Variants in ZFAND4 observed in about 807,000 individuals in gnomAD.
ZFAND4 encodes the protein zinc finger AN1-type containing 4, also known as AN1-type zinc finger protein 4.
A neutral mutation model predicts 64.4 loss-of-function variants in ZFAND4; 43 were observed. The ratio of observed to expected loss-of-function variants is 0.67; its 90% CI spans 0.52 to 0.86. The LOEUF (loss-of-function observed/expected upper bound fraction) is 0.86. ZFAND4 is among the 40% of genes least tolerant of loss of function. The pLI, the probability that ZFAND4 is intolerant of heterozygous loss-of-function variation, is 0.00. For synonymous variants in ZFAND4, 296 were observed against 305.7 expected, an observed-to-expected ratio of 0.97 and a Z score of 0.33; for missense variants, 929 against 859.8, an observed-to-expected ratio of 1.08 and a Z score of -1.01.
chr10:45,640,354 A>G, intron 5 of ZFAND4: 1 of 1,276,802 alleles, frequency 7.8e-7, no homozygotes, highest in Non-Finnish European at 1.0e-6. Flanking sequence ...ATTTCCATGA[A>G]TCAGAATTTT....
chr10:45,624,446 A>G (rs2045651333), intron 8 of ZFAND4, 137 bp downstream of exon 8: 1 of 674,588 alleles, frequency 1.5e-6, no homozygotes, highest in Non-Finnish European at 2.4e-6. Context: ...TCTTAATTGG[A>G]AAAAGCATTT....
rs773392435 is a variant in ZFAND4 at position 45,618,234 on chromosome 10, G to A, written c.1954C>T (p.Pro652Ser). Residue 652 changes from proline (P) to serine (S), a missense_variant, in exon 9 of 10, where the codon CCT (proline) becomes TCT (serine). Pro to Ser is a moderately conservative substitution (Grantham distance 74). Coordinates refer to ENST00000344646, the MANE Select transcript of ZFAND4 (RefSeq NM_174890.4). Reference sequence around the variant, plus strand: ...TTTGTCTGAAGAGGGGCTTTCACAGGTGGGAGGTGATGAGTAGTACATTCT... The same window carrying A: ...TTTGTCTGAAGAGGGGCTTTCACAGATGGGAGGTGATGAGTAGTACATTCT... ...VGECTTHHLP[P>S]VKAPLQTKKK... 23 of 1,613,444 alleles carry A rather than the reference G, an allele frequency of 1.4e-5. No homozygotes were observed. The highest frequency in any genetic ancestry group is 2.2e-5 in the East Asian group (1 of 44,848).
rs138289027 is a variant in ZFAND4 at position 45,628,047 on chromosome 10, G to T, written c.718-942C>A. Among the ~76,000 whole-genome samples the T allele has an allele frequency of 2.2e-3, 342 of 152,220 alleles. 1 individual carries two copies. Among genetic ancestry groups the T allele is most frequent in the Non-Finnish European group, 3.8e-3 (256 of 68,004 alleles). On this transcript the variant is annotated intron_variant, in intron 6 of 9. Coordinates refer to ENST00000344646, the MANE Select transcript of ZFAND4 (RefSeq NM_174890.4). ...GGTGGTCTTGGTGCCCTCTGGCATG[G>T]TAGATTTTTTAAAAAGTACCACAAA...
Position 45,626,497 on chromosome 10 carries a change from G to C in ZFAND4, c.1326C>G (p.Leu442=). The change falls in exon 7 of 10, where the codon CTC becomes CTG. Residue 442 remains leucine (L), a synonymous_variant. Transcript: ENST00000344646. ...CATTCAGCACTCCTGCAACATGCTT[G>C]AGATGCTGCTCTGGAGCTTTCAACC... ...DKGLKAPEQH[L]KHVAGVLNGE... is the part of the protein sequence containing the mutation. 2.5e-6 allele frequency: 4 copies of C among 1,613,854 alleles called. No individual in the cohort carries two copies. Among genetic ancestry groups the C allele is most frequent in the Non-Finnish European group, 3.4e-6 (4 of 1,180,030 alleles).
rs1050514277 is a variant in ZFAND4, at chr10:45,672,698, C to T, written c.-566G>A. The T allele has an allele frequency of 9.2e-5, 14 of 152,284 alleles. No homozygotes were observed. Among genetic ancestry groups the T allele is most frequent in the African/African-American group, 2.9e-4 (12 of 41,568 alleles). The allele number at this position is 152,284 out of a possible 1,614,324, so 9.4% of individuals were successfully genotyped here. On this transcript the variant is annotated 5_prime_UTR_variant, in exon 1 of 10. Transcript: ENST00000344646. Reference sequence around the variant, plus strand: ...CCTCACCCGCAGTCTTGTCCGCTGGCTCGCTCGCCCGCCTACAGGTCGACA... The same window carrying T: ...CCTCACCCGCAGTCTTGTCCGCTGGTTCGCTCGCCCGCCTACAGGTCGACA...
intron 2 of ZFAND4, among the ~76,000 whole-genome samples, chr10:45,660,036 T>C (rs2133836638): frequency 6.6e-6 from 1 of 151,384 alleles, no homozygotes; most frequent in East Asian, 1.9e-4. Context: ...ATTAGCCGGG[T>C]GTGTAGTCCC....
At chr10:45,643,459 G>A (rs915139107) in intron 5 of ZFAND4, among the ~76,000 whole-genome samples, 6 of 150,770 alleles carry the variant, frequency 4.0e-5, no homozygotes, top group Non-Finnish European at 5.9e-5. Flanking sequence ...TCACCAGGAC[G>A]GGAGATCAAG....
At chr10:45,624,085 A>G (rs951254517) in intron 8 of ZFAND4, among the ~76,000 whole-genome samples, 2 of 152,210 alleles carry the variant, frequency 1.3e-5, no homozygotes, top group Non-Finnish European at 2.9e-5. Context: ...ATACTGGTAG[A>G]AAGAAGTGCT....
intron 2 of ZFAND4, among the ~76,000 whole-genome samples, chr10:45,661,128 C>G (rs1291684500): frequency 6.6e-6 from 1 of 152,152 alleles, no homozygotes; most frequent in Non-Finnish European, 1.5e-5. Context: ...AAGGCTGAGG[C>G]AGGAGGATCA....
intron 6 of ZFAND4, among the ~76,000 whole-genome samples, chr10:45,628,867 C>CA (rs2046013752): frequency 1.2e-5 from 1 of 81,976 alleles, no homozygotes; most frequent in Non-Finnish European, 2.2e-5. Flanking sequence ...GACAGACAGG[C>CA]AAAAGTATGG....
chr10:45,650,666 C>T (rs1217554150), intron 4 of ZFAND4: 1 of 152,058 alleles, frequency 6.6e-6, no homozygotes, highest in Non-Finnish European at 1.5e-5. Context: ...AAATAACCAA[C>T]TTTCAAAAAT....
intron 2 of ZFAND4, among the ~76,000 whole-genome samples, chr10:45,661,873 G>C (rs1339438374): frequency 6.6e-6 from 1 of 151,818 alleles, no homozygotes; most frequent in African/African-American, 2.4e-5. Context: ...CCAGGAGGCG[G>C]AGGTTGTGGT....
chr10:45,627,646 C>A (rs973326569), intron 6 of ZFAND4, among the ~76,000 whole-genome samples: 1 of 152,174 alleles, frequency 6.6e-6, no homozygotes, highest in African/African-American at 2.4e-5. Flanking sequence ...TTGTGCCAAA[C>A]TATTTACGCA....
intron 6 of ZFAND4, among the ~76,000 whole-genome samples, chr10:45,639,194 T>C (rs1228811476): frequency 6.6e-6 from 1 of 152,054 alleles, no homozygotes; most frequent in African/African-American, 2.4e-5. Context: ...AAAAAAAATC[T>C]GTAACAAAAA....
At chr10:45,619,747 CA>C in intron 8 of ZFAND4, among the ~76,000 whole-genome samples, 1 of 151,876 alleles carries the variant, frequency 6.6e-6, no homozygotes, top group Non-Finnish European at 1.5e-5. Context: ...ACAAGCCCAG[CA>C]AAATTAAATC....
chr10:45,665,433 C>T (rs1316928119), intron 1 of ZFAND4, among the ~76,000 whole-genome samples: 4 of 151,550 alleles, frequency 2.6e-5, no homozygotes, highest in Admixed American at 2.6e-4. Context: ...CCCAGCTACT[C>T]GGGAGGCTGA....
intron 6 of ZFAND4, among the ~76,000 whole-genome samples, chr10:45,628,971 A>AT (rs2046029985): frequency 6.6e-6 from 1 of 151,898 alleles, no homozygotes; most frequent in African/African-American, 2.4e-5. Context: ...ACAAAGAAAA[A>AT]TCCACAAAAG....
intron 2 of ZFAND4, among the ~76,000 whole-genome samples, chr10:45,657,292 G>C (rs1265531354): frequency 6.6e-6 from 1 of 152,026 alleles, no homozygotes; most frequent in East Asian, 1.9e-4. Context: ...AACTTATTAA[G>C]ACAGATGACA....
chr10:45,630,372 G>A (rs2046120145), intron 6 of ZFAND4, among the ~76,000 whole-genome samples: 1 of 152,100 alleles, frequency 6.6e-6, no homozygotes, highest in Non-Finnish European at 1.5e-5. Flanking sequence ...TCTCAGAAAT[G>A]AAGACTAAAT....
Sources: allele counts gnomAD v4.1 joint callset (sites outside exome capture counted in the v4.1 genomes callset), GRCh38; gene constraint gnomAD v4.1.1; transcripts MANE v1.5; gene names NCBI Gene and HGNC (gene_info 2026-07-23, HGNC 2026-07-21).